The following PPM1H variants were observed in gnomAD, a reference collection of about 807,000 sequenced individuals.
PPM1H encodes the protein protein phosphatase, Mg2+/Mn2+ dependent 1H, also known as protein phosphatase 1H.
A neutral mutation model predicts 54.9 loss-of-function variants in PPM1H; 27 were observed. The observed-to-expected ratio is 0.49, with a 90% CI of 0.36 to 0.68. The LOEUF (loss-of-function observed/expected upper bound fraction) is 0.68. PPM1H is among the 30% of genes least tolerant of loss of function. The pLI is 0.00. For synonymous variants in PPM1H, 305 were observed against 270.8 expected (o/e 1.13, Z -1.24); for missense variants, 596 against 667.8 (o/e 0.89, Z 1.19).
intron 1 of PPM1H, among the ~76,000 whole-genome samples, chr12:62,899,977 A>G (rs1014904016): frequency 6.6e-6 from 1 of 152,222 alleles, no homozygotes; most frequent in African/African-American, 2.4e-5. Flanking sequence ...TCTTTCAGCC[A>G]TGTAGGACAC....
At chr12:62,726,592 C>A (rs1026572047) in intron 5 of PPM1H, among the ~76,000 whole-genome samples, 26 of 152,188 alleles carry the variant, frequency 1.7e-4, no homozygotes, top group Non-Finnish European at 8.8e-5. Context: ...AAGAGGCAAG[C>A]AGAGCAGGGG....
intron 3 of PPM1H, among the ~76,000 whole-genome samples, chr12:62,791,856 G>A (rs139896061): frequency 5.5e-4 from 83 of 152,262 alleles, no homozygotes; most frequent in Middle Eastern, 3.4e-3. Flanking sequence ...CCCGGGAGCC[G>A]GAGGTTGCAG....
intron 1 of PPM1H, among the ~76,000 whole-genome samples, chr12:62,903,729 G>A (rs777972045): frequency 9.2e-5 from 14 of 152,090 alleles, no homozygotes; most frequent in Non-Finnish European, 1.6e-4. Flanking sequence ...GTTGCCATGG[G>A]GTGGGGGAGT....
intron 6 of PPM1H, 92 bp downstream of exon 6, chr12:62,720,079 C>G: frequency 8.8e-7 from 1 of 1,131,100 alleles, no homozygotes; most frequent in Non-Finnish European, 1.3e-6. Context: ...GCTGTGCTTC[C>G]TGATCCAAAC....
In PPM1H at chr12:62,646,940, G is replaced by C. The variant is rs770183628; in HGVS notation, c.*1549C>G. On this transcript the variant is annotated 3_prime_UTR_variant, in exon 10 of 10. Coordinates refer to ENST00000228705, the MANE Select transcript of PPM1H (RefSeq NM_020700.2). ...AGAACTGGAATTAGCTCTCTAGCAT[G>C]CTGGGGGGGTCACGTCAGTGACCTT... 2 of 152,232 alleles carry C rather than the reference G, an allele frequency of 1.3e-5. No homozygotes were observed. Among genetic ancestry groups the C allele is most frequent in the Admixed American group, 6.5e-5 (1 of 15,294 alleles). 9.4% of individuals were successfully genotyped at this position (152,232 alleles called of 1,614,324 possible).
chr12:62,925,381 C>T (rs1168018149), intron 1 of PPM1H, among the ~76,000 whole-genome samples: 2 of 152,080 alleles, frequency 1.3e-5, no homozygotes, highest in East Asian at 3.9e-4. Context: ...GAGTTCAAGA[C>T]CAGCCTGGGC....
chr12:62,845,291 C>T (rs55665363), intron 1 of PPM1H, among the ~76,000 whole-genome samples: 6,174 of 152,314 alleles, frequency 0.041, 141 homozygotes, highest in East Asian at 0.085. Context: ...TGGCTTATGA[C>T]CTCCCAGGGA....
chr12:62,669,969 C>CTTTTTTTTTTTTTTTTT (rs1161094944), intron 8 of PPM1H, among the ~76,000 whole-genome samples: 2 of 46,426 alleles, frequency 4.3e-5, no homozygotes, highest in African/African-American at 2.3e-4. Context: ...GGATTGATTC[C>CTTTTTTTTTTTTTTTTT]TTTTTTTTTT....
intron 8 of PPM1H, among the ~76,000 whole-genome samples, chr12:62,677,063 G>A (rs2075991356): frequency 6.6e-6 from 1 of 152,084 alleles, no homozygotes; most frequent in South Asian, 2.1e-4. Flanking sequence ...GACTCACAGA[G>A]ACAATGGGAC....
At chr12:62,701,067 T>A (rs1432267969) in intron 6 of PPM1H, among the ~76,000 whole-genome samples, 2 of 152,246 alleles carry the variant, frequency 1.3e-5, no homozygotes, top group Admixed American at 6.5e-5. Flanking sequence ...CTCCTATACC[T>A]ACAAGAGTGC....
chr12:62,779,070 C>T (rs2076627262), intron 4 of PPM1H, among the ~76,000 whole-genome samples: 2 of 151,930 alleles, frequency 1.3e-5, no homozygotes, highest in East Asian at 1.9e-4. Flanking sequence ...TGAGGTCTTG[C>T]TCTGTCACCC....
intron 4 of PPM1H, among the ~76,000 whole-genome samples, chr12:62,766,681 T>C (rs190402343): frequency 1.5e-3 from 229 of 152,348 alleles, no homozygotes; most frequent in Middle Eastern, 6.8e-3. Flanking sequence ...GAGCAAGCTC[T>C]TCAGCAGGGT....
intron 4 of PPM1H, among the ~76,000 whole-genome samples, chr12:62,771,045 GACACACACACACACACAC>G (rs71086630): frequency 0.013 from 1,724 of 129,492 alleles, 32 homozygotes; most frequent in African/African-American, 0.048. Context: ...AAAAGAAAAA[GACACACACACACACACAC>G]ACACACACAC....
rs1366026554 is a variant in PPM1H at position 62,648,576 on chromosome 12, T to C, written c.1458A>G (p.Gly486=). The C allele has an allele frequency of 6.2e-7, 1 of 1,613,964 alleles. No homozygotes were observed. The highest frequency in any genetic ancestry group is 1.7e-5 in the Admixed American group (1 of 60,020). ...CCAGTCGGTCATTAGATATCCGCCA[T>C]CCTCTGTCCTTCAGCACACCCCGGG... ...MRARGVLKDR[G]WRISNDRLGS... The change falls in exon 10 of 10, where the codon GGA becomes GGG. Residue 486 remains glycine, a synonymous_variant. Transcript: ENST00000228705.
chr12:62,799,838 T>G lies in PPM1H; in HGVS notation c.756+1978A>C, dbSNP rs541170500. Among the ~76,000 whole-genome samples the G allele has an allele frequency of 3.3e-5, 5 of 152,348 alleles. No individual in the cohort carries two copies. In the South Asian group the frequency reaches 8.3e-4, roughly 25 times the overall value. On this transcript the variant is annotated intron_variant, in intron 3 of 9. Transcript: ENST00000228705. ...AAAGCACTGGAGATATAACCTGATC[T>G]GGGCTAGGTCACCCCTCCTCAGGCA...
At chr12:62,861,763 A>G (rs1006186883) in intron 1 of PPM1H, among the ~76,000 whole-genome samples, 4 of 152,164 alleles carry the variant, frequency 2.6e-5, no homozygotes, top group African/African-American at 9.7e-5. Flanking sequence ...AGAATGCTGT[A>G]TCTAGGGCAC....
chr12:62,727,164 C>T (rs995748566), intron 5 of PPM1H, among the ~76,000 whole-genome samples: 2 of 152,148 alleles, frequency 1.3e-5, no homozygotes, highest in African/African-American at 4.8e-5. Context: ...CCTCAGCCTC[C>T]CAAAGTGCTG....
At chr12:62,837,332 T>C (rs1015983391) in intron 1 of PPM1H, among the ~76,000 whole-genome samples, 14 of 152,212 alleles carry the variant, frequency 9.2e-5, no homozygotes, top group African/African-American at 1.4e-4. Flanking sequence ...TATTCTCACA[T>C]AGTGGTCCTG....
At chr12:62,810,387 G>A (rs571791393) in intron 2 of PPM1H, among the ~76,000 whole-genome samples, 8 of 152,164 alleles carry the variant, frequency 5.3e-5, no homozygotes, top group Non-Finnish European at 8.8e-5. Context: ...CCAAAGAAAC[G>A]AAGAGACATT....
Sources: gnomAD v4.1 joint callset for allele counts (sites outside exome capture counted in the v4.1 genomes callset) on GRCh38, gnomAD v4.1.1 for gene constraint, MANE v1.5 for transcripts, NCBI Gene and HGNC (gene_info 2026-07-23, HGNC 2026-07-21) for gene names.